RIOK1: variants seen among roughly 807,000 people sequenced by gnomAD.
RIOK1 encodes serine/threonine-protein kinase RIO1.
Under a neutral mutation model 73.5 loss-of-function variants are expected in RIOK1, and 66 were observed. The ratio of observed to expected loss-of-function variants is 0.90; its 90% CI spans 0.74 to 1.10. The LOEUF is 1.10. RIOK1 is among the 50% of genes least tolerant of loss of function. RIOK1 has a pLI of 0.00. For synonymous variants in RIOK1, 224 were observed against 226.8 expected, an observed-to-expected ratio of 0.99 and a Z score of 0.11; for missense variants, 658 against 699.8, an observed-to-expected ratio of 0.94 and a Z score of 0.67.
chr6:7,398,666 T>C (rs772061031), intron 4 of RIOK1, 32 bp from the exon 5 acceptor site: 21 of 1,586,116 alleles, frequency 1.3e-5, no homozygotes, highest in Non-Finnish European at 1.7e-5. Context: ...GAATTTTGAA[T>C]GTGTCAACTA....
chr6:7,398,680 G>GT lies in RIOK1; in HGVS notation c.438-13dup. ...TGAATTTTGAATGTGTCAACTATAC[G>GT]TTTTTGTTTTTGGTTAGGTATCGCA... On this transcript the variant is annotated splice_polypyrimidine_tract_variant and intron_variant, in intron 4 of 16. Coordinates refer to ENST00000379834, the MANE Select transcript of RIOK1 (RefSeq NM_031480.3). 6.2e-7 allele frequency: 1 copy of GT among 1,607,270 alleles called. No individual in the cohort carries two copies. The highest frequency in any genetic ancestry group is 1.3e-5 in the African/African-American group (1 of 74,854).
At chr6:7,393,504 A>G (rs888109811) in intron 2 of RIOK1, among the ~76,000 whole-genome samples, 2 of 152,166 alleles carry the variant, frequency 1.3e-5, no homozygotes, top group Admixed American at 6.5e-5. Context: ...TCTTTCCAGA[A>G]TCTGTAAATT....
At chr6:7,415,671 G>C (rs1012656539) in intron 16 of RIOK1, among the ~76,000 whole-genome samples, 1 of 152,204 alleles carries the variant, frequency 6.6e-6, no homozygotes, top group Admixed American at 6.5e-5. Context: ...AGGTTTCAAA[G>C]GTTTCAGCAA....
At chr6:7,407,302 A>C (rs1761771157) in intron 12 of RIOK1, among the ~76,000 whole-genome samples, 1 of 152,108 alleles carries the variant, frequency 6.6e-6, no homozygotes, top group East Asian at 1.9e-4. Flanking sequence ...AGCACTTACT[A>C]ATCTCCATAC....
chr6:7,399,591 TATATAAA>T (rs1761563952), intron 5 of RIOK1, among the ~76,000 whole-genome samples: 1 of 152,238 alleles, frequency 6.6e-6, no homozygotes, highest in African/African-American at 2.4e-5. Flanking sequence ...TTCAGCTGTC[TATATAAA>T]ATATATGCTT....
At chr6:7,406,293 G>A (rs185594841) in intron 12 of RIOK1, among the ~76,000 whole-genome samples, 56 of 152,198 alleles carry the variant, frequency 3.7e-4, no homozygotes, top group African/African-American at 1.2e-3. Context: ...CACGACGCCC[G>A]GCCTCAGAGG....
chr6:7,393,699 T>C (rs1761399295), intron 2 of RIOK1, among the ~76,000 whole-genome samples: 1 of 152,156 alleles, frequency 6.6e-6, no homozygotes, highest in Non-Finnish European at 1.5e-5. Context: ...ACAAAACATA[T>C]CATTGATGGT....
At chr6:7,416,607 C>G (rs1166497278) in intron 16 of RIOK1, among the ~76,000 whole-genome samples, 1 of 149,104 alleles carries the variant, frequency 6.7e-6, no homozygotes, top group Non-Finnish European at 1.5e-5. Context: ...GAGATCACGC[C>G]ACTGCATGCC....
At position 7,404,475 on chromosome 6, in the gene RIOK1, C is replaced by T. The variant is rs746356218; in HGVS notation, c.912C>T (p.Tyr304=). 3 of 1,614,008 alleles carry T rather than the reference C, an allele frequency of 1.9e-6. No homozygotes were observed. The highest frequency in any genetic ancestry group is 2.2e-5 in the South Asian group (2 of 91,092). The change falls in exon 10 of 17, where the codon TAC becomes TAT. Residue 304 remains tyrosine (Y), a synonymous_variant. Coordinates refer to ENST00000379834, the MANE Select transcript of RIOK1 (RefSeq NM_031480.3). ...QLSESKAREL[Y]LQVIQYMRRM... ...CAGAATCCAAGGCTCGGGAGTTGTA[C>T]CTGCAGGTCATTCAGTACATGAGAA...
At chr6:7,403,674 A>G (rs557212975) in intron 8 of RIOK1, among the ~76,000 whole-genome samples, 19 of 151,090 alleles carry the variant, frequency 1.3e-4, no homozygotes, top group African/African-American at 4.4e-4. Flanking sequence ...TAAGATGCAC[A>G]TTTTTTTCAG....
At chr6:7,402,472 AT>A (rs1761635376) in intron 6 of RIOK1, 130 bp from the exon 7 acceptor site, 1 of 607,362 alleles carries the variant, frequency 1.6e-6, no homozygotes, top group East Asian at 2.9e-5. Context: ...TAATTCACAT[AT>A]TCAAAAGACA....
intron 12 of RIOK1, among the ~76,000 whole-genome samples, chr6:7,405,883 G>T (rs1335442408): frequency 7.0e-6 from 1 of 142,850 alleles, no homozygotes; most frequent in Non-Finnish European, 1.5e-5. Flanking sequence ...GTCAAAGTTT[G>T]TGAAAGTTTA....
At chr6:7,414,527 C>G in intron 16 of RIOK1, 137 bp downstream of exon 16, 2 of 831,206 alleles carry the variant, frequency 2.4e-6, no homozygotes, top group Non-Finnish European at 3.6e-6. Context: ...GTTTTAATAC[C>G]TAAGTGTGAA....
intron 12 of RIOK1, among the ~76,000 whole-genome samples, chr6:7,409,981 C>A (rs552331385): frequency 1.2e-4 from 18 of 152,316 alleles, no homozygotes; most frequent in African/African-American, 4.3e-4. Flanking sequence ...TCAAGATTTA[C>A]AGCCAGCCTT....
In RIOK1 at chr6:7,417,427, A is replaced by G. The variant is rs1762036637; in HGVS notation, c.1693A>G (p.Lys565Glu). Residue 565 changes from lysine to glutamate, a missense_variant, in exon 17 of 17, where the codon AAA (lysine) becomes GAA (glutamate). Physicochemically the swap from Lys to Glu is moderately conservative, Grantham distance 56 (BLOSUM62 1). Transcript: ENST00000379834. ...AAGAAAGGAGAAGACAGCCAAGACG[A>G]AAAAAGGCAAATAGAATGAGAACCA... Reference protein sequence around the residue: ...KKRKEKTAKTKKGK With the variant: ...KKRKEKTAKTEKGK 1.3e-6 allele frequency: 2 copies of G among 1,542,514 alleles called. No homozygotes were observed. The highest frequency in any genetic ancestry group is 1.7e-6 in the Non-Finnish European group (2 of 1,143,558).
At chr6:7,390,202 C>A in intron 1 of RIOK1, 129 bp downstream of exon 1, 1 of 745,784 alleles carries the variant, frequency 1.3e-6, no homozygotes. Context: ...TCTTGACAAC[C>A]CTTTGCCTGT....
chr6:7,402,667 C>G lies in RIOK1; in HGVS notation c.638C>G (p.Ser213Cys), dbSNP rs2113512563. ...ESRAIKIYKT[S>C]ILVFKDRDKY... ...AGAGCAATCAAAATTTATAAAACTTCTATTTTGGTGTTCAAAGATCGGGAT... is the reference window on the plus strand; with the variant it reads ...AGAGCAATCAAAATTTATAAAACTTGTATTTTGGTGTTCAAAGATCGGGAT... The change falls in exon 7 of 17, where the codon TCT (serine) becomes TGT (cysteine). Residue 213 changes from serine (S) to cysteine (C), a missense_variant. Physicochemically the swap from Ser to Cys is moderately radical, Grantham distance 112. Coordinates refer to ENST00000379834, the MANE Select transcript of RIOK1 (RefSeq NM_031480.3). The G allele has an allele frequency of 6.2e-7, 1 of 1,612,712 alleles. No homozygotes were observed. The highest frequency in any genetic ancestry group is 1.1e-5 in the South Asian group (1 of 90,930).
Position 7,417,636 on chromosome 6 carries a change from T to G in RIOK1, c.*195T>G, listed in dbSNP as rs1762041662. The G allele has an allele frequency of 8.1e-6, 3 of 371,576 alleles. No homozygotes were observed. Among genetic ancestry groups the G allele is most frequent in the South Asian group, 1.2e-4 (1 of 8,310 alleles). The allele number at this position is 371,576 out of a possible 1,614,324, so 23.0% of individuals were successfully genotyped here. ...CTAGAGTCTAGATCCAGTCACTGACTCTGTCTGGTGTTGACAGAGGATTTA... is the reference window on the plus strand; with the variant it reads ...CTAGAGTCTAGATCCAGTCACTGACGCTGTCTGGTGTTGACAGAGGATTTA... On this transcript the variant is annotated 3_prime_UTR_variant, in exon 17 of 17. Transcript: ENST00000379834.
In RIOK1 at chr6:7,390,411, C is replaced by T. The variant is rs563467077; in HGVS notation, c.71+338C>T. Among the ~76,000 whole-genome samples the T allele has an allele frequency of 3.3e-5, 5 of 152,308 alleles. No individual in the cohort carries two copies. The East Asian group carries it at 9.7e-4, about 29-fold the overall frequency. On this transcript the variant is annotated intron_variant, in intron 1 of 16. Coordinates refer to ENST00000379834, the MANE Select transcript of RIOK1 (RefSeq NM_031480.3). Reference sequence around the variant, plus strand: ...ATACTTACTAAGCACTTAATATGTACCACGTTCTGTCCTGGGCGCCGGAGG... The same window carrying T: ...ATACTTACTAAGCACTTAATATGTATCACGTTCTGTCCTGGGCGCCGGAGG...
Sources: gnomAD v4.1 joint callset for allele counts (sites outside exome capture counted in the v4.1 genomes callset) on GRCh38, gnomAD v4.1.1 for gene constraint, MANE v1.5 for transcripts, NCBI Gene and HGNC (gene_info 2026-07-23, HGNC 2026-07-21) for gene names.